The following EFHB variants were observed in gnomAD, a reference collection of about 807,000 sequenced individuals.
EFHB encodes the protein EF-hand domain-containing family member B.
In EFHB, 91 loss-of-function variants were observed where a neutral mutation model predicts 87.2. The observed-to-expected ratio is 1.04, with a 90% CI of 0.88 to 1.24. The LOEUF (loss-of-function observed/expected upper bound fraction) is 1.24. EFHB is among the 50% of genes most tolerant of loss of function. The pLI, the probability that EFHB is intolerant of heterozygous loss-of-function variation, is 0.00. For missense variants in EFHB, 1,084 were observed against 998.8 expected, an observed-to-expected ratio of 1.09 and a Z score of -1.15; for synonymous variants, 325 against 333.6, an observed-to-expected ratio of 0.97 and a Z score of 0.28.
Position 19,884,577 on chromosome 3 carries a change from C to T in EFHB, c.1972G>A (p.Val658Ile). 3 of 1,613,954 alleles carry T rather than the reference C, an allele frequency of 1.9e-6. No homozygotes were observed. The highest frequency in any genetic ancestry group is 2.5e-6 in the Non-Finnish European group (3 of 1,179,884). Residue 658 changes from valine to isoleucine, a missense_variant, in exon 11 of 13, where the codon GTT (valine) becomes ATT (isoleucine). Physicochemically the swap from Val to Ile is conservative, Grantham distance 29. Transcript: ENST00000295824. ...AGGAGAGTTTGTTCAGGTTCTTCAA[C>T]ATTAGCCTCAGTAGGGTTTACACAA... ...PDCVNPTEAN[V>I]EEPEQTLLIK...
intron 1 of EFHB, among the ~76,000 whole-genome samples, chr3:19,931,455 C>T (rs41482746): frequency 0.013 from 2,019 of 152,172 alleles, 46 homozygotes; most frequent in African/African-American, 0.046. Context: ...AAATGGGAAC[C>T]GGTGTGGTCA....
upstream of EFHB, among the ~76,000 whole-genome samples, chr3:19,934,376 CCT>C (rs71694715): frequency 0.19 from 22,892 of 122,414 alleles, 2,175 homozygotes; most frequent in African/African-American, 0.28. Flanking sequence ...TCTTCTCTCT[CCT>C]CTGTTTCTCT....
intron 4 of EFHB, among the ~76,000 whole-genome samples, chr3:19,916,234 G>A (rs983069155): frequency 2.6e-5 from 4 of 152,236 alleles, no homozygotes; most frequent in Admixed American, 2.6e-4. Flanking sequence ...GTATTCCCAG[G>A]CTGGGCTCAG....
chr3:19,884,330 G>A, intron 11 of EFHB, 73 bp downstream of exon 11: 2 of 1,379,022 alleles, frequency 1.5e-6, no homozygotes, highest in South Asian at 1.4e-5. Flanking sequence ...ACGGAGAAAG[G>A]CAGGGGACAA....
intron 3 of EFHB, among the ~76,000 whole-genome samples, chr3:19,919,588 T>C (rs1342012204): frequency 6.6e-6 from 1 of 152,202 alleles, no homozygotes; most frequent in East Asian, 1.9e-4. Context: ...TAGGCTTTTA[T>C]CATTTGAGAG....
intron 3 of EFHB, among the ~76,000 whole-genome samples, chr3:19,919,435 G>A (rs1455534412): frequency 6.6e-6 from 1 of 150,944 alleles, no homozygotes; most frequent in African/African-American, 2.4e-5. Context: ...TCAAACTCCT[G>A]ATCTTAGCGG....
chr3:19,920,407 G>A (rs1217318292), intron 2 of EFHB, 98 bp downstream of exon 2: 5 of 1,018,220 alleles, frequency 4.9e-6, no homozygotes, highest in East Asian at 2.6e-5. Flanking sequence ...ACCACATTAA[G>A]TTTATACCAC....
chr3:19,906,534 C>T (rs1035258555), intron 5 of EFHB, among the ~76,000 whole-genome samples: 4 of 151,922 alleles, frequency 2.6e-5, no homozygotes, highest in African/African-American at 9.7e-5. Context: ...AACTATAAAA[C>T]AATGATGAAA....
Position 19,905,565 on chromosome 3 carries a change from T to C in EFHB, c.1418+55A>G, listed in dbSNP as rs114559064. Reference sequence around the variant, plus strand: ...AAAATAAAGTTTAAAAATCAACTTTTCTTTAAGTCCAAATGTCTAACACTT... The same window carrying C: ...AAAATAAAGTTTAAAAATCAACTTTCCTTTAAGTCCAAATGTCTAACACTT... On this transcript the variant is annotated intron_variant, in intron 6 of 12. Transcript: ENST00000295824. 3,128 of 1,552,816 alleles carry C rather than the reference T, an allele frequency of 2.0e-3. 55 individuals are homozygous for C. The African/African-American group carries it at 0.038, about 19-fold the overall frequency.
rs1422691502 is a variant in EFHB, at chr3:19,882,639, C to G, written c.2239G>C (p.Gly747Arg). 5 of 1,613,508 alleles carry G rather than the reference C, an allele frequency of 3.1e-6. No homozygotes were observed. The highest frequency in any genetic ancestry group is 3.4e-6 in the Non-Finnish European group (4 of 1,179,722). The change falls in exon 12 of 13, where the codon GGT (glycine) becomes CGT (arginine). Residue 747 changes from glycine (G) to arginine (R), a missense_variant. Transcript: ENST00000295824. ...GGATATAGTAGTGAATATGCACTAC[C>G]TTCTTCACCATAATTAGTTCTGTCA... is the stretch of plus-strand genomic sequence containing the variant. ...ISDRTNYGEE[G>R]SAYSLLYPTI...
intron 9 of EFHB, among the ~76,000 whole-genome samples, chr3:19,896,187 A>G (rs931017904): frequency 6.6e-6 from 1 of 152,164 alleles, no homozygotes; most frequent in Non-Finnish European, 1.5e-5. Context: ...CTCCCAGCAC[A>G]CTGCAGTTTA....
At chr3:19,946,647 C>T (rs1696290047) in intron 1 of EFHB, among the ~76,000 whole-genome samples, 1 of 152,126 alleles carries the variant, frequency 6.6e-6, no homozygotes, top group Non-Finnish European at 1.5e-5. Context: ...TACCGACCTA[C>T]CCAACCCCAG....
intron 10 of EFHB, among the ~76,000 whole-genome samples, chr3:19,886,910 A>G (rs539088564): frequency 1.3e-5 from 2 of 152,134 alleles, no homozygotes; most frequent in Non-Finnish European, 2.9e-5. Context: ...GAAATGAGAA[A>G]TAAAAAGCTT....
chr3:19,918,395 G>T lies in EFHB; in HGVS notation c.1014C>A (p.Asn338Lys), dbSNP rs781117237. Reference protein sequence around the residue: ...KISVLANTLINPQPITTFQQK... With the variant: ...KISVLANTLIKPQPITTFQQK... The stretch of plus-strand genomic sequence containing the variant: ...GTTGAAATGTGGTAATAGGCTGTGG[G>T]TTTATCAATGTGTTTGCCTAAAGAA... The change falls in exon 4 of 13, where the codon AAC becomes AAA. Residue 338 changes from asparagine to lysine, a missense_variant. Physicochemically the swap from Asn to Lys is moderately conservative, Grantham distance 94 (BLOSUM62 0). Transcript: ENST00000295824. 6.3e-7 allele frequency: 1 copy of T among 1,596,646 alleles called. No individual in the cohort carries two copies. The highest frequency in any genetic ancestry group is 1.4e-5 in the African/African-American group (1 of 73,664).
chr3:19,934,126 G>GA lies in EFHB; in HGVS notation c.-109dup. The GA allele has an allele frequency of 6.8e-7, 1 of 1,463,566 alleles. No individual in the cohort carries two copies. Among genetic ancestry groups the GA allele is most frequent in the Non-Finnish European group, 9.0e-7 (1 of 1,114,346 alleles). The allele number at this position is 1,463,566 out of a possible 1,614,324, so 90.7% of individuals were successfully genotyped here. A position where few individuals can be genotyped will look rare whatever the true frequency, so the allele number is the denominator to read the frequency against. The stretch of plus-strand genomic sequence containing the variant: ...ATCCCTTGCGGAACCCCTCTCTCAG[G>GA]AAAGAGCACAACCTCACTCGGACTC... On this transcript the variant is annotated 5_prime_UTR_variant, in exon 1 of 13. Coordinates refer to ENST00000295824, the MANE Select transcript of EFHB (RefSeq NM_144715.4).
intron 6 of EFHB, among the ~76,000 whole-genome samples, chr3:19,900,852 C>G (rs1694645656): frequency 6.6e-6 from 1 of 151,486 alleles, no homozygotes; most frequent in Non-Finnish European, 1.5e-5. Context: ...TCACTTGAAC[C>G]TGGGAGTCAG....
At chr3:19,902,442 C>T (rs1303300447) in intron 6 of EFHB, among the ~76,000 whole-genome samples, 1 of 152,238 alleles carries the variant, frequency 6.6e-6, no homozygotes, top group African/African-American at 2.4e-5. Context: ...TAAACCTCCA[C>T]CTCCCGGGTT....
chr3:19,934,241 AG>A (rs1192727367), upstream of EFHB: 1 of 1,424,592 alleles, frequency 7.0e-7, no homozygotes, highest in Non-Finnish European at 9.1e-7. Flanking sequence ...CCTGGGAAAC[AG>A]GGGCGGGGCT....
intron 1 of EFHB, chr3:19,943,055 TC>T: frequency 3.0e-6 from 1 of 330,608 alleles, no homozygotes; most frequent in Non-Finnish European, 6.0e-6. Context: ...ATGCTTCATA[TC>T]AGACTGGACA....
Sources: gnomAD v4.1 joint callset for allele counts (sites outside exome capture counted in the v4.1 genomes callset) on GRCh38, gnomAD v4.1.1 for gene constraint, MANE v1.5 for transcripts, NCBI Gene and HGNC (gene_info 2026-07-23, HGNC 2026-07-21) for gene names.